The following ACOXL variants were observed in gnomAD, a reference collection of about 807,000 sequenced individuals.
ACOXL encodes the protein acyl-CoA oxidase like.
Under a neutral mutation model 71.9 loss-of-function variants are expected in ACOXL, and 70 were observed. The observed-to-expected ratio is 0.97, with a 90% CI of 0.80 to 1.19. The LOEUF (loss-of-function observed/expected upper bound fraction) is 1.19, where lower values mean the gene tolerates loss of function less well. Ranked by LOEUF, ACOXL falls within the 50% of genes most tolerant of loss-of-function variation. ACOXL has a pLI of 0.00. For missense variants in ACOXL, 703 were observed against 736.3 expected (o/e 0.95, Z 0.52); for synonymous variants, 253 against 281.6 (o/e 0.90, Z 1.02).
intron 14 of ACOXL, among the ~76,000 whole-genome samples, chr2:111,028,264 TCTTA>T (rs1450229322): frequency 9.9e-5 from 15 of 152,064 alleles, no homozygotes; most frequent in East Asian, 5.8e-4. Flanking sequence ...GTGGAGTCAG[TCTTA>T]CTTACTCCTT....
chr2:111,063,953 G>A (rs1403333757), intron 16 of ACOXL, among the ~76,000 whole-genome samples: 1 of 152,142 alleles, frequency 6.6e-6, no homozygotes, highest in Non-Finnish European at 1.5e-5. Context: ...GAGAAAGGAC[G>A]GAAGGAAAGC....
intron 10 of ACOXL, among the ~76,000 whole-genome samples, chr2:110,884,378 G>T (rs969515484): frequency 1.3e-5 from 2 of 152,170 alleles, no homozygotes; most frequent in African/African-American, 4.8e-5. Context: ...TTAATCTCCT[G>T]TTTTCAGAAA....
chr2:110,812,204 A>G (rs1200407064), intron 9 of ACOXL, among the ~76,000 whole-genome samples: 1 of 152,254 alleles, frequency 6.6e-6, no homozygotes, highest in Non-Finnish European at 1.5e-5. Context: ...CTTTAAAAAC[A>G]TATGTTTGCA....
intron 14 of ACOXL, among the ~76,000 whole-genome samples, chr2:111,024,504 G>A (rs979990417): frequency 6.6e-6 from 1 of 152,162 alleles, no homozygotes; most frequent in African/African-American, 2.4e-5. Flanking sequence ...ACCTTCAGAG[G>A]TGGCATGGAA....
At chr2:110,887,874 A>G (rs1424189689) in intron 10 of ACOXL, 2 of 152,198 alleles carry the variant, frequency 1.3e-5, no homozygotes, top group African/African-American at 4.8e-5. Context: ...ATTTTTCATA[A>G]TGAGAACATT....
At chr2:110,841,647 A>T (rs945203815) in intron 10 of ACOXL, among the ~76,000 whole-genome samples, 2 of 152,178 alleles carry the variant, frequency 1.3e-5, no homozygotes, top group South Asian at 4.1e-4. Context: ...AAAAAAAGGG[A>T]TATTCTAGGG....
chr2:111,069,110 C>T (rs1176749306), intron 16 of ACOXL, among the ~76,000 whole-genome samples: 6 of 150,760 alleles, frequency 4.0e-5, no homozygotes, highest in Non-Finnish European at 8.9e-5. Flanking sequence ...TTTCTCTGTG[C>T]ATGCACGTCC....
At chr2:111,009,575 T>C (rs2341658) in intron 14 of ACOXL, among the ~76,000 whole-genome samples, 122,634 of 151,108 alleles carry the variant, frequency 0.81, 49,931 homozygotes, top group Middle Eastern at 0.91. Flanking sequence ...TTAGTGAAAA[T>C]GAAGGAGGAA....
intron 16 of ACOXL, among the ~76,000 whole-genome samples, chr2:111,084,446 G>T (rs1382121820): frequency 6.6e-6 from 1 of 152,116 alleles, no homozygotes; most frequent in Non-Finnish European, 1.5e-5. Context: ...GCCATTTTTA[G>T]CTATATTCAA....
intron 17 of ACOXL, among the ~76,000 whole-genome samples, chr2:111,105,895 T>G (rs1300385830): frequency 6.6e-5 from 10 of 152,176 alleles, no homozygotes. Context: ...TGCCAATTGT[T>G]TTTTTCTCCC....
chr2:110,810,374 G>A (rs1401606489), intron 9 of ACOXL, among the ~76,000 whole-genome samples: 1 of 151,984 alleles, frequency 6.6e-6, no homozygotes, highest in Non-Finnish European at 1.5e-5. Flanking sequence ...TCCCTGCAAG[G>A]CCTAGTAGAG....
At chr2:110,924,742 A>C (rs1459872998) in intron 11 of ACOXL, among the ~76,000 whole-genome samples, 2 of 151,968 alleles carry the variant, frequency 1.3e-5, no homozygotes, top group Non-Finnish European at 2.9e-5. Context: ...TGGAACATCA[A>C]CTTCTTCTGA....
At chr2:110,734,306 G>C (rs1182023487) in intron 1 of ACOXL, among the ~76,000 whole-genome samples, 1 of 151,682 alleles carries the variant, frequency 6.6e-6, no homozygotes, top group Non-Finnish European at 1.5e-5. Flanking sequence ...GTCTGACTCT[G>C]TTGTCCAGGC....
chr2:110,819,741 A>G (rs951662162), intron 9 of ACOXL, among the ~76,000 whole-genome samples: 3 of 152,178 alleles, frequency 2.0e-5, no homozygotes, highest in African/African-American at 2.4e-5. Flanking sequence ...TTTAATTCTT[A>G]TAGGACCTTC....
intron 1 of ACOXL, among the ~76,000 whole-genome samples, chr2:110,755,753 A>G (rs767836936): frequency 1.3e-5 from 2 of 152,214 alleles, no homozygotes; most frequent in Non-Finnish European, 2.9e-5. Context: ...AAATTTAAAC[A>G]TTTATTTGAA....
At chr2:111,111,866 T>C (rs1263088839) in intron 17 of ACOXL, among the ~76,000 whole-genome samples, 1 of 152,222 alleles carries the variant, frequency 6.6e-6, no homozygotes, top group African/African-American at 2.4e-5. Context: ...AGGAAGGTAG[T>C]ATGGCTTGGA....
intron 10 of ACOXL, among the ~76,000 whole-genome samples, chr2:110,896,558 C>T (rs1553418174): frequency 1.3e-5 from 2 of 151,520 alleles, no homozygotes; most frequent in Non-Finnish European, 2.9e-5. Context: ...AAAGATTTGC[C>T]AAAAAAAGAA....
intron 12 of ACOXL, among the ~76,000 whole-genome samples, chr2:110,965,974 A>C (rs1905356): frequency 0.58 from 88,557 of 151,954 alleles, 26,242 homozygotes; most frequent in East Asian, 0.82. Context: ...GCCTGATGAC[A>C]GAAAATCTTT....
chr2:110,912,302 A>G (rs911366218), intron 11 of ACOXL, among the ~76,000 whole-genome samples: 4 of 152,132 alleles, frequency 2.6e-5, no homozygotes, highest in Non-Finnish European at 5.9e-5. Flanking sequence ...AGGAACCAGT[A>G]TAGCCACAAC....
Sources: allele counts gnomAD v4.1 joint callset (sites outside exome capture counted in the v4.1 genomes callset), GRCh38; gene constraint gnomAD v4.1.1; transcripts MANE v1.5; gene names NCBI Gene and HGNC (gene_info 2026-07-23, HGNC 2026-07-21).